The following OTUD7A variants were observed in gnomAD, a reference collection of about 807,000 sequenced individuals.
OTUD7A encodes the protein OTU deubiquitinase 7A.
A neutral mutation model predicts 65.7 loss-of-function variants in OTUD7A; 12 were observed. The observed-to-expected ratio is 0.18, with a 90% CI of 0.12 to 0.30. OTUD7A has a LOEUF of 0.30. Ranked by LOEUF, OTUD7A falls within the 10% of genes least tolerant of loss-of-function variation. The probability of loss-of-function intolerance (pLI) is 1.00; values close to 1 mark genes in which losing one functional copy is unlikely to be tolerated. For missense variants in OTUD7A, 1,148 were observed against 1,304.8 expected (o/e 0.88, Z 1.85); for synonymous variants, 641 against 586.3 (o/e 1.09, Z -1.35).
Position 31,483,345 on chromosome 15 carries a change from G to A in OTUD7A, c.2751C>T (p.Cys917=), listed in dbSNP as rs1292515149. The stretch of plus-strand genomic sequence containing the variant: ...GCCGCCGCCGCAGCTCCTCGCGGTA[G>A]CAGTAGGAGCAGTAGTGCTCGGTCT... The part of the protein sequence containing the change: ...RAETEHYCSY[C]YREELRRRRE... The change falls in exon 13 of 13, where the codon TGC becomes TGT. Residue 917 remains cysteine, a synonymous_variant. Coordinates refer to ENST00000307050, the MANE Select transcript of OTUD7A (RefSeq NM_001382637.1). 24 of 1,245,192 alleles carry A rather than the reference G, an allele frequency of 1.9e-5. No homozygotes were observed. The highest frequency in any genetic ancestry group is 2.3e-5 in the Non-Finnish European group (23 of 989,172). The allele number at this position is 1,245,192 out of a possible 1,614,324, so 77.1% of individuals were successfully genotyped here. A position where few individuals can be genotyped will look rare whatever the true frequency, so the allele number is the denominator to read the frequency against.
intron 1 of OTUD7A, among the ~76,000 whole-genome samples, chr15:31,678,615 C>G (rs1892644491): frequency 6.6e-6 from 1 of 152,228 alleles, no homozygotes; most frequent in Admixed American, 6.5e-5. Context: ...AGCCCCAAGC[C>G]TTGGCAGCTT....
At chr15:31,691,564 T>TCATC (rs1388996595) in intron 1 of OTUD7A, among the ~76,000 whole-genome samples, 22 of 150,898 alleles carry the variant, frequency 1.5e-4, no homozygotes, top group Non-Finnish European at 3.3e-4. Context: ...GACCCTCATC[T>TCATC]CATCATATAC....
chr15:31,487,675 T>C lies in OTUD7A; in HGVS notation c.1172-109A>G. The C allele has an allele frequency of 1.3e-6, 1 of 757,480 alleles. No homozygotes were observed. The highest frequency in any genetic ancestry group is 2.1e-6 in the Non-Finnish European group (1 of 471,738). The allele number at this position is 757,480 out of a possible 1,614,324, so 46.9% of individuals were successfully genotyped here. A position where few individuals can be genotyped will look rare whatever the true frequency, so the allele number is the denominator to read the frequency against. On this transcript the variant is annotated intron_variant, in intron 10 of 12. Coordinates refer to ENST00000307050, the MANE Select transcript of OTUD7A (RefSeq NM_001382637.1). This position sits in a 1 kb window ranked among gnomAD's most constrained non-coding sequence, Gnocchi z 6.0. ...GGGTGACAAATGCACCGAGTGGACATCTACACAGATCTGTGCCAGCAGGAG... is the reference window on the plus strand; with the variant it reads ...GGGTGACAAATGCACCGAGTGGACACCTACACAGATCTGTGCCAGCAGGAG...
Position 31,482,240 on chromosome 15 carries a change from G to A in OTUD7A, c.*1054C>T, listed in dbSNP as rs566159914. 6.6e-6 allele frequency: 1 copy of A among 152,400 alleles called. No individual in the cohort carries two copies. The highest frequency in any genetic ancestry group is 2.1e-4 in the South Asian group (1 of 4,826). 9.4% of individuals were successfully genotyped at this position (152,400 alleles called of 1,614,324 possible). A position where few individuals can be genotyped will look rare whatever the true frequency, so the allele number is the denominator to read the frequency against. ...CCCGTGGAGGGGCCACGATCACAGTGAGTCCCTTTACCTGGCTGAACCCAG... is the reference window on the plus strand; with the variant it reads ...CCCGTGGAGGGGCCACGATCACAGTAAGTCCCTTTACCTGGCTGAACCCAG... On this transcript the variant is annotated 3_prime_UTR_variant, in exon 13 of 13. Transcript: ENST00000307050.
At chr15:31,555,708 G>C (rs1445552317) in intron 5 of OTUD7A, among the ~76,000 whole-genome samples, 3 of 152,160 alleles carry the variant, frequency 2.0e-5, no homozygotes, top group Admixed American at 6.5e-5. Flanking sequence ...CTAAGACCTC[G>C]CTTGAGAGCA....
chr15:31,687,261 C>T (rs1293565542), intron 1 of OTUD7A, among the ~76,000 whole-genome samples: 1 of 152,116 alleles, frequency 6.6e-6, no homozygotes, highest in Non-Finnish European at 1.5e-5. Flanking sequence ...TGGGGGAGTG[C>T]ACATCGGGAC....
rs563297894 is a variant in OTUD7A, at chr15:31,828,922, T to C, written c.-100+41585A>G. 8.5e-5 allele frequency among the ~76,000 whole-genome samples: 13 copies of C among 152,268 alleles called. No individual in the cohort carries two copies. The South Asian group carries it at 1.9e-3, about 22-fold the overall frequency. On this transcript the variant is annotated intron_variant, in intron 1 of 12. Coordinates refer to ENST00000307050, the MANE Select transcript of OTUD7A (RefSeq NM_001382637.1). ...GGAGGAGGGCATGGTCCCTTCTTCA[T>C]TGCTGTGCCTCTGAGTGTCCATGCA...
At chr15:31,810,384 G>A (rs1479264176) in intron 1 of OTUD7A, among the ~76,000 whole-genome samples, 1 of 152,278 alleles carries the variant, frequency 6.6e-6, no homozygotes. Flanking sequence ...ATTTAAAGAG[G>A]TAATTAAGTA....
intron 1 of OTUD7A, chr15:31,767,418 G>A (rs1895119287): frequency 1.3e-6 from 1 of 774,992 alleles, no homozygotes; most frequent in Non-Finnish European, 2.4e-6. Context: ...TCCAACATAA[G>A]TTGGATTATT....
At chr15:31,665,575 G>A (rs1566967034) in intron 1 of OTUD7A, among the ~76,000 whole-genome samples, 1 of 152,148 alleles carries the variant, frequency 6.6e-6, no homozygotes, top group South Asian at 2.1e-4. Context: ...AGTCTTTAGG[G>A]TTTTCAAGGT....
chr15:31,857,339 G>T (rs1168987551), intron 1 of OTUD7A, among the ~76,000 whole-genome samples: 1 of 152,178 alleles, frequency 6.6e-6, no homozygotes, highest in African/African-American at 2.4e-5. Flanking sequence ...CCTTAGCCAG[G>T]AGCCGGGCCT....
At chr15:31,804,480 CT>C (rs1004494804) in intron 1 of OTUD7A, among the ~76,000 whole-genome samples, 1 of 152,192 alleles carries the variant, frequency 6.6e-6, no homozygotes, top group South Asian at 2.1e-4. Flanking sequence ...ACTAAGCCCC[CT>C]CCTCCCCTTT....
In OTUD7A at chr15:31,487,271, G is replaced by A. The variant is rs772663423; in HGVS notation, c.1294C>T (p.Leu432=). Residue 432 remains leucine, a synonymous_variant, in exon 12 of 13, where the codon CTG becomes TTG. Coordinates refer to ENST00000307050, the MANE Select transcript of OTUD7A (RefSeq NM_001382637.1). The surrounding 1 kb of genome is among the most constrained non-coding windows in gnomAD (Gnocchi z 6.0). ...AGGTTCAGCTTGGCTTCTAGCGACA[G>A]GATAAGGCTGGCAAGAGAAGAATAT... The part of the protein sequence containing the change: ...NDNARLAHLI[L]SLEAKLNLLH... The A allele has an allele frequency of 1.2e-6, 2 of 1,614,060 alleles. No individual in the cohort carries two copies. Among genetic ancestry groups the A allele is most frequent in the Non-Finnish European group, 1.7e-6 (2 of 1,179,972 alleles).
At chr15:31,806,759 ACC>A (rs1398854418) in intron 1 of OTUD7A, among the ~76,000 whole-genome samples, 1 of 152,254 alleles carries the variant, frequency 6.6e-6, no homozygotes, top group Admixed American at 6.5e-5. Flanking sequence ...AACAAAAGTG[ACC>A]ACAGAGCATT....
rs186617178 is a variant in OTUD7A at position 31,681,465 on chromosome 15, G to T, written c.-99-24388C>A. On this transcript the variant is annotated intron_variant, in intron 1 of 12. Transcript: ENST00000307050. ...CTCTGTTTTTCTGTCTGTCCATCTG[G>T]AGTCTCAATGTTTTTCCTTGTCTGT... 3.0e-3 allele frequency among the ~76,000 whole-genome samples: 442 copies of T among 148,890 alleles called. 4 individuals carry two copies. The highest frequency in any genetic ancestry group is 9.4e-3 in the African/African-American group (376 of 39,946).
At chr15:31,694,002 A>G (rs1218472320) in intron 1 of OTUD7A, among the ~76,000 whole-genome samples, 1 of 152,214 alleles carries the variant, frequency 6.6e-6, no homozygotes, top group Non-Finnish European at 1.5e-5. Context: ...GTAAAAATAC[A>G]AGGCACTGAG....
chr15:31,778,418 G>C (rs753703155), intron 1 of OTUD7A, among the ~76,000 whole-genome samples: 35 of 152,206 alleles, frequency 2.3e-4, no homozygotes, highest in Non-Finnish European at 4.1e-4. Context: ...ACTGCAAATT[G>C]TATATCCAAA....
intron 1 of OTUD7A, among the ~76,000 whole-genome samples, chr15:31,835,075 C>T (rs2140987483): frequency 6.6e-6 from 1 of 152,302 alleles, no homozygotes; most frequent in Middle Eastern, 3.4e-3. Context: ...GTCTGCCAGC[C>T]TGTTCATCTG....
At chr15:31,703,603 A>T in intron 1 of OTUD7A, among the ~76,000 whole-genome samples, 1 of 152,336 alleles carries the variant, frequency 6.6e-6, no homozygotes, top group African/African-American at 2.4e-5. Flanking sequence ...AGAGAAACAG[A>T]TCACTCACAT....
Sources: gnomAD v4.1 joint callset for allele counts (sites outside exome capture counted in the v4.1 genomes callset) on GRCh38, gnomAD v4.1.1 for gene constraint, Gnocchi (gnomAD v3.1) non-coding constraint, MANE v1.5 for transcripts, NCBI Gene and HGNC (gene_info 2026-07-23, HGNC 2026-07-21) for gene names.